Variants in HPF1 observed in about 807,000 individuals in gnomAD.
HPF1 encodes the protein UPF0609 protein C4orf27.
HPF1 carries 35 observed loss-of-function variants against 38.8 expected under a neutral mutation model. That is an observed-to-expected ratio of 0.90 (90% CI 0.69 to 1.19). HPF1 has a LOEUF of 1.19. HPF1 is among the 50% of genes most tolerant of loss of function. The pLI, the probability that HPF1 is intolerant of heterozygous loss-of-function variation, is 0.00. For synonymous variants in HPF1, 115 were observed against 139.2 expected (o/e 0.83, Z 1.22); for missense variants, 367 against 405.8 (o/e 0.90, Z 0.82).
intron 4 of HPF1, among the ~76,000 whole-genome samples, chr4:169,748,292 A>T (rs1159324804): frequency 6.6e-6 from 1 of 152,186 alleles, no homozygotes; most frequent in East Asian, 1.9e-4. Context: ...GGCACAAAAT[A>T]ACAGTATAGA....
intron 5 of HPF1, among the ~76,000 whole-genome samples, chr4:169,740,616 G>C (rs1276601195): frequency 6.6e-6 from 1 of 152,206 alleles, no homozygotes; most frequent in Admixed American, 6.5e-5. Flanking sequence ...AAAAGGGTTT[G>C]AAAGTATAGT....
At chr4:169,754,169 G>GGT (rs1734154004) in intron 1 of HPF1, among the ~76,000 whole-genome samples, 1 of 152,206 alleles carries the variant, frequency 6.6e-6, no homozygotes, top group Non-Finnish European at 1.5e-5. Context: ...TTTGGTTAAA[G>GGT]GTGTGAGTCT....
At chr4:169,738,376 C>G (rs1341621903) in intron 5 of HPF1, among the ~76,000 whole-genome samples, 1 of 152,194 alleles carries the variant, frequency 6.6e-6, no homozygotes, top group Non-Finnish European at 1.5e-5. Context: ...CATAACCCTT[C>G]CAGTTTCCAT....
rs765165508 is a variant in HPF1 at position 169,731,888 on chromosome 4, C to T, written c.737-12G>A. Reference sequence around the variant, plus strand: ...TCTCTTGAGGTCAGCTGAAAGAAATCAATAATATAAAAGATTATCTACATA... The same window carrying T: ...TCTCTTGAGGTCAGCTGAAAGAAATTAATAATATAAAAGATTATCTACATA... On this transcript the variant is annotated splice_polypyrimidine_tract_variant and intron_variant, in intron 6 of 7. Transcript: ENST00000393381. 4 of 1,597,370 alleles carry T rather than the reference C, an allele frequency of 2.5e-6. No homozygotes were observed. The highest frequency in any genetic ancestry group is 3.4e-6 in the Non-Finnish European group (4 of 1,165,742).
intron 6 of HPF1, chr4:169,732,129 C>A (rs1231403336): frequency 3.5e-5 from 10 of 288,420 alleles, no homozygotes; most frequent in African/African-American, 7.2e-5. Flanking sequence ...GATTTAGTTA[C>A]AGTCACGATT....
At chr4:169,744,989 G>A (rs1374612743) in intron 4 of HPF1, among the ~76,000 whole-genome samples, 9 of 151,306 alleles carry the variant, frequency 5.9e-5, no homozygotes, top group Non-Finnish European at 1.0e-4. Context: ...CAATGTACAT[G>A]TTGCCAAGAT....
intron 6 of HPF1, among the ~76,000 whole-genome samples, chr4:169,735,875 T>C (rs991080026): frequency 8.0e-5 from 12 of 149,096 alleles, no homozygotes; most frequent in Non-Finnish European, 1.3e-4. Flanking sequence ...ACAGTGTGGG[T>C]TACATTTTTT....
rs1265398385 is a variant in HPF1 at position 169,753,919 on chromosome 4, A to G, written c.49-84T>C. ...AGTATCTATCACTCTTGTTCACCCAACTCTATGAAATACATGTGTTTTCCT... is the reference window on the plus strand; with the variant it reads ...AGTATCTATCACTCTTGTTCACCCAGCTCTATGAAATACATGTGTTTTCCT... On this transcript the variant is annotated intron_variant, in intron 1 of 7. Coordinates refer to ENST00000393381, the MANE Select transcript of HPF1 (RefSeq NM_017867.3). 7.3e-5 allele frequency: 76 copies of G among 1,047,030 alleles called. 1 individual carries two copies. The Middle Eastern group carries it at 1.3e-3, about 17-fold the overall frequency. 64.9% of individuals were successfully genotyped at this position (1,047,030 alleles called of 1,614,324 possible).
At chr4:169,754,648 T>C (rs57372266) in intron 1 of HPF1, among the ~76,000 whole-genome samples, 1,595 of 152,296 alleles carry the variant, frequency 0.01, 34 homozygotes, top group African/African-American at 0.036. Context: ...CTAGATTCTT[T>C]CTTTTTGGAT....
chr4:169,755,059 TC>T (rs147029791), intron 1 of HPF1, among the ~76,000 whole-genome samples: 5 of 118,640 alleles, frequency 4.2e-5, no homozygotes, highest in Middle Eastern at 3.8e-3. Context: ...ATGCTATCCC[TC>T]CCCCCGCCCC....
chr4:169,744,849 T>G (rs1734025751), intron 4 of HPF1, among the ~76,000 whole-genome samples: 2 of 152,148 alleles, frequency 1.3e-5, no homozygotes, highest in South Asian at 2.1e-4. Flanking sequence ...AATCTTGGGT[T>G]TATTCAACAC....
chr4:169,737,792 T>TC, intron 5 of HPF1, 45 bp from the exon 6 acceptor site: 1 of 1,197,694 alleles, frequency 8.3e-7, no homozygotes, highest in Non-Finnish European at 1.2e-6. Context: ...TAAGCAGACA[T>TC]CAAAAAAAAA....
intron 6 of HPF1, among the ~76,000 whole-genome samples, chr4:169,736,893 T>C (rs1733903114): frequency 6.6e-6 from 1 of 152,166 alleles, no homozygotes; most frequent in Non-Finnish European, 1.5e-5. Flanking sequence ...AATAACTAGA[T>C]TATGCGCAGT....
chr4:169,739,131 A>G (rs1338467728), intron 5 of HPF1, among the ~76,000 whole-genome samples: 1 of 152,228 alleles, frequency 6.6e-6, no homozygotes, highest in Non-Finnish European at 1.5e-5. Context: ...TAAAATTTAA[A>G]GCATAATAAA....
At chr4:169,755,491 T>TA (rs1159982507) in intron 1 of HPF1, among the ~76,000 whole-genome samples, 1 of 152,218 alleles carries the variant, frequency 6.6e-6, no homozygotes, top group Non-Finnish European at 1.5e-5. Flanking sequence ...TGTTACTGTA[T>TA]ACTAGACTAT....
At chr4:169,731,242 C>G (rs1214725512) in intron 7 of HPF1, among the ~76,000 whole-genome samples, 1 of 152,148 alleles carries the variant, frequency 6.6e-6, no homozygotes, top group Non-Finnish European at 1.5e-5. Flanking sequence ...AACAGCATCT[C>G]TTATAAAGCT....
intron 1 of HPF1, 58 bp downstream of exon 1, chr4:169,757,772 G>C (rs1270687354): frequency 6.9e-7 from 1 of 1,448,784 alleles, no homozygotes; most frequent in Admixed American, 1.9e-5. Context: ...CTGCCTCCTG[G>C]TGCCCTGGCT....
At chr4:169,740,467 T>C (rs551818571) in intron 5 of HPF1, among the ~76,000 whole-genome samples, 8 of 151,928 alleles carry the variant, frequency 5.3e-5, no homozygotes, top group Non-Finnish European at 1.0e-4. Flanking sequence ...CATACTAGAG[T>C]GGAAATATGC....
At chr4:169,741,333 AT>A (rs143679933) in intron 5 of HPF1, among the ~76,000 whole-genome samples, 11 of 150,174 alleles carry the variant, frequency 7.3e-5, no homozygotes, top group Admixed American at 2.7e-4. Flanking sequence ...CCAGTGACAA[AT>A]TTTTTTTTTG....
Sources: gnomAD v4.1 joint callset for allele counts (sites outside exome capture counted in the v4.1 genomes callset) on GRCh38, gnomAD v4.1.1 for gene constraint, MANE v1.5 for transcripts, NCBI Gene and HGNC (gene_info 2026-07-23, HGNC 2026-07-21) for gene names.